The following DRC7 variants were observed in gnomAD, a reference collection of about 807,000 sequenced individuals.
DRC7 encodes the protein dynein regulatory complex subunit 7.
DRC7 carries 80 observed loss-of-function variants against 104.4 expected under a neutral mutation model. The ratio of observed to expected loss-of-function variants is 0.77; its 90% CI spans 0.64 to 0.92. The LOEUF is 0.92. DRC7 is among the 40% of genes least tolerant of loss of function. The probability of loss-of-function intolerance (pLI) is 0.00; values close to 1 mark genes in which losing one functional copy is unlikely to be tolerated. For synonymous variants in DRC7, 405 were observed against 447.3 expected (o/e 0.91, Z 1.19); for missense variants, 1,034 against 1,141.1 (o/e 0.91, Z 1.35).
At chr16:57,721,830 CA>C in intron 10 of DRC7, 91 bp downstream of exon 10, 1 of 877,662 alleles carries the variant, frequency 1.1e-6, no homozygotes, top group South Asian at 1.6e-5. Flanking sequence ...GGGGACACAG[CA>C]GGGAATGCCA....
chr16:57,709,665 A>G (rs1245930430), intron 8 of DRC7, among the ~76,000 whole-genome samples: 1 of 152,242 alleles, frequency 6.6e-6, no homozygotes, highest in Non-Finnish European at 1.5e-5. Flanking sequence ...TGTAATTGAC[A>G]TAACATAAAT....
intron 8 of DRC7, chr16:57,714,050 C>A: frequency 9.2e-6 from 2 of 217,090 alleles, no homozygotes; most frequent in Non-Finnish European, 1.9e-5. Flanking sequence ...GTACAGAAAG[C>A]TGTCTCATCT....
Position 57,704,946 on chromosome 16 carries a change from G to A in DRC7, c.770G>A (p.Arg257Lys), listed in dbSNP as rs751256275. The A allele has an allele frequency of 5.0e-6, 8 of 1,613,860 alleles. No homozygotes were observed. Among genetic ancestry groups the A allele is most frequent in the South Asian group, 1.1e-5 (1 of 91,080 alleles). ...TIKPPRDLCSRFEQEQEVKKQ... is the reference protein window; with the variant it reads ...TIKPPRDLCSKFEQEQEVKKQ... The stretch of plus-strand genomic sequence containing the variant: ...AAACCCCCCAGGGACCTGTGCAGCA[G>A]GTTTGAGCAGGAGCAAGAGGTGAAG... Residue 257 changes from arginine to lysine, a missense_variant, in exon 7 of 19, where the codon AGG (arginine) becomes AAG (lysine). By Grantham distance (26) the Arg-to-Lys change is conservative. Transcript: ENST00000360716.
Position 57,707,536 on chromosome 16 carries a change from G to A in DRC7, c.935G>A (p.Arg312His), listed in dbSNP as rs746582949. The A allele has an allele frequency of 1.1e-5, 17 of 1,613,402 alleles. No homozygotes were observed. The highest frequency in any genetic ancestry group is 3.3e-4 in the Middle Eastern group (2 of 6,084). ...HSWVLVLSGK[R>H]EVPENFFIDP... is the part of the protein sequence containing the mutation. ...TGGGTCCTTGTGCTATCGGGGAAGC[G>A]CGAGGTGCCTGAGAACTTCTTCATC... Residue 312 changes from arginine to histidine, a missense_variant, in exon 8 of 19, where the codon CGC becomes CAC. Transcript: ENST00000360716.
chr16:57,729,030 ATAGG>A (rs2049010402), intron 17 of DRC7, among the ~76,000 whole-genome samples: 2 of 143,410 alleles, frequency 1.4e-5, no homozygotes, highest in Non-Finnish European at 1.5e-5. Context: ...ATAGGTATGG[ATAGG>A]TGGGTGGATG....
Position 57,718,434 on chromosome 16 carries a change from G to T in DRC7, c.1165G>T (p.Asp389Tyr), listed in dbSNP as rs766011449. 3 of 1,614,034 alleles carry T rather than the reference G, an allele frequency of 1.9e-6. No individual in the cohort carries two copies. Among genetic ancestry groups the T allele is most frequent in the Non-Finnish European group, 2.5e-6 (3 of 1,179,990 alleles). Reference protein sequence around the residue: ...DKSQLSLTEEDDSGINDEDDV... With the variant: ...DKSQLSLTEEYDSGINDEDDV... ...GTCTCAGCTGTCCTTGACTGAAGAA[G>T]ACGACAGTGGGATAAACGATGAGGA... Residue 389 changes from aspartate (D) to tyrosine (Y), a missense_variant, in exon 9 of 19, where the codon GAC (aspartate) becomes TAC (tyrosine). By Grantham distance (160) the Asp-to-Tyr change is radical. Transcript: ENST00000360716.
In DRC7 at chr16:57,707,403, C is replaced by T. The variant is rs2048743001; in HGVS notation, c.859-57C>T. 30 of 1,505,372 alleles carry T rather than the reference C, an allele frequency of 2.0e-5. No individual in the cohort carries two copies. In the South Asian group the frequency reaches 3.8e-4, roughly 19 times the overall value. The allele number at this position is 1,505,372 out of a possible 1,614,324, so 93.3% of individuals were successfully genotyped here. On this transcript the variant is annotated intron_variant, in intron 7 of 18. Transcript: ENST00000360716. ...CCCCAGCCCCAGGGAGATGTCTGGG[C>T]CCCTGACACTCCTCTTCCAGCCATC... is the stretch of plus-strand genomic sequence containing the variant.
At chr16:57,723,944 T>C (rs1414238811) in intron 12 of DRC7, among the ~76,000 whole-genome samples, 1 of 152,112 alleles carries the variant, frequency 6.6e-6, no homozygotes, top group Non-Finnish European at 1.5e-5. Context: ...GGAGCAACAG[T>C]CACTCTGTGT....
chr16:57,722,758 A>C lies in DRC7; in HGVS notation c.1325A>C (p.Lys442Thr). ...CPNGKKVIQY[K>T]RAKLEKWAPY... ...AACGGGAAGAAGGTGATTCAGTACA[A>C]GAGGGCAAAGCTGGAGAAGTGGGCC... Residue 442 changes from lysine (K) to threonine (T), a missense_variant, in exon 11 of 19, where the codon AAG becomes ACG. By Grantham distance (78) the Lys-to-Thr change is moderately conservative (BLOSUM62 -1). Coordinates refer to ENST00000360716, the MANE Select transcript of DRC7 (RefSeq NM_001289162.2). The C allele has an allele frequency of 6.2e-7, 1 of 1,613,920 alleles. No homozygotes were observed. Among genetic ancestry groups the C allele is most frequent in the Non-Finnish European group, 8.5e-7 (1 of 1,180,002 alleles).
chr16:57,713,381 A>C (rs1346351802), intron 8 of DRC7, among the ~76,000 whole-genome samples: 1 of 152,170 alleles, frequency 6.6e-6, no homozygotes, highest in African/African-American at 2.4e-5. Flanking sequence ...TTTCAGTTCT[A>C]TCAGTATTTG....
chr16:57,728,619 C>G (rs2049002537), intron 17 of DRC7, 35 bp downstream of exon 17: 1 of 1,510,886 alleles, frequency 6.6e-7, no homozygotes, highest in South Asian at 1.3e-5. Flanking sequence ...AGGGGGGGAT[C>G]TCAGCATCTG....
intron 6 of DRC7, among the ~76,000 whole-genome samples, chr16:57,702,734 A>G (rs985149141): frequency 6.6e-6 from 1 of 152,182 alleles, no homozygotes; most frequent in African/African-American, 2.4e-5. Flanking sequence ...CCCGGGAGGC[A>G]AAGGCTGCAG....
intron 13 of DRC7, chr16:57,725,785 T>A: frequency 2.3e-6 from 1 of 429,164 alleles, no homozygotes; most frequent in Non-Finnish European, 4.3e-6. Flanking sequence ...AGCAATGGAG[T>A]AGGCTGCCTG....
rs778437296 is a variant in DRC7 at position 57,726,284 on chromosome 16, G to A, written c.1974+1G>A. 4 of 1,608,554 alleles carry A rather than the reference G, an allele frequency of 2.5e-6. No individual in the cohort carries two copies. The highest frequency in any genetic ancestry group is 1.3e-5 in the African/African-American group (1 of 74,980). On this transcript the variant is annotated splice_donor_variant, in intron 14 of 18. Coordinates refer to ENST00000360716, the MANE Select transcript of DRC7 (RefSeq NM_001289162.2). LOFTEE classifies it high-confidence loss of function. ...GCCCGACATGTGCATCAGCTTCGAGGTGGGCCTGGGGGCCACGGCGGGCAG... is the reference window on the plus strand; with the variant it reads ...GCCCGACATGTGCATCAGCTTCGAGATGGGCCTGGGGGCCACGGCGGGCAG...
chr16:57,704,822 C>A, intron 6 of DRC7, 54 bp from the exon 7 acceptor site: 2 of 1,590,924 alleles, frequency 1.3e-6, no homozygotes, highest in Non-Finnish European at 1.7e-6. Flanking sequence ...TGGAGTTGCA[C>A]ATGTAAAGGG....
chr16:57,710,611 A>C (rs2048782841), intron 8 of DRC7, among the ~76,000 whole-genome samples: 1 of 152,232 alleles, frequency 6.6e-6, no homozygotes. Flanking sequence ...TAAGTATAGT[A>C]TTAGCCACAG....
At chr16:57,712,668 T>A (rs995027016) in intron 8 of DRC7, among the ~76,000 whole-genome samples, 16 of 135,170 alleles carry the variant, frequency 1.2e-4, no homozygotes, top group Admixed American at 4.5e-4. Context: ...GACTGTTTTT[T>A]GTTTTGTTTT....
intron 5 of DRC7, among the ~76,000 whole-genome samples, chr16:57,701,109 G>A (rs1435170429): frequency 6.6e-6 from 1 of 152,176 alleles, no homozygotes; most frequent in Non-Finnish European, 1.5e-5. Context: ...GGTAGGTAAG[G>A]GGGAGGAAGG....
At chr16:57,697,342 A>G (rs748087493) in intron 2 of DRC7, among the ~76,000 whole-genome samples, 2 of 152,166 alleles carry the variant, frequency 1.3e-5, no homozygotes, top group African/African-American at 4.8e-5. Flanking sequence ...TGGGAGGCCA[A>G]AGCAGGAAGA....
Sources: allele counts gnomAD v4.1 joint callset (sites outside exome capture counted in the v4.1 genomes callset), GRCh38; gene constraint gnomAD v4.1.1; transcripts MANE v1.5; gene names NCBI Gene and HGNC (gene_info 2026-07-23, HGNC 2026-07-21).